Variants in SECISBP2 observed in about 807,000 individuals in gnomAD.
SECISBP2 encodes SECIS binding protein 2.
Under a neutral mutation model 98.2 loss-of-function variants are expected in SECISBP2, and 96 were observed. The observed-to-expected ratio is 0.98, with a 90% CI of 0.83 to 1.16. The LOEUF is 1.16. Ranked by LOEUF, SECISBP2 falls within the 50% of genes most tolerant of loss-of-function variation. The pLI is 0.00. For synonymous variants in SECISBP2, 407 were observed against 370.2 expected, an observed-to-expected ratio of 1.10 and a Z score of -1.14; for missense variants, 1,046 against 1,022.9, an observed-to-expected ratio of 1.02 and a Z score of -0.31.
rs1416970653 is a variant in SECISBP2, at chr9:89,359,394, C to T, written c.*570C>T. 1 of 155,030 alleles carries T rather than the reference C, an allele frequency of 6.5e-6. No individual in the cohort carries two copies. Among genetic ancestry groups the T allele is most frequent in the Non-Finnish European group, 1.4e-5 (1 of 69,594 alleles). The allele number at this position is 155,030 out of a possible 1,614,324, so 9.6% of individuals were successfully genotyped here. ...ACTTGGAGGATTTGCTAAAATGAGC[C>T]TCAGAAGGAAAATTGGTTTTCTAAC... On this transcript the variant is annotated 3_prime_UTR_variant, in exon 17 of 17. Coordinates refer to ENST00000375807, the MANE Select transcript of SECISBP2 (RefSeq NM_024077.5).
chr9:89,334,225 G>A (rs1356214033), intron 6 of SECISBP2: 1 of 1,213,778 alleles, frequency 8.2e-7, no homozygotes, highest in Non-Finnish European at 1.0e-6. Flanking sequence ...ATTTATTGTG[G>A]ATTGTTGTTT....
At chr9:89,358,630 C>T (rs1832465393) in intron 16 of SECISBP2, 91 bp from the exon 17 acceptor site, 2 of 853,072 alleles carry the variant, frequency 2.3e-6, no homozygotes, top group Non-Finnish European at 4.0e-6. Context: ...GCAGTGGCCA[C>T]AGGCTCCCTC....
intron 7 of SECISBP2, among the ~76,000 whole-genome samples, chr9:89,335,498 A>G (rs1828512631): frequency 6.6e-6 from 1 of 151,708 alleles, no homozygotes; most frequent in African/African-American, 2.4e-5. Flanking sequence ...ATGCCTGGCT[A>G]ATTTTTGTAT....
rs991499769 is a variant in SECISBP2, at chr9:89,328,874, A to G, written c.789A>G (p.Ala263=). 7.4e-6 allele frequency: 12 copies of G among 1,613,362 alleles called. No individual in the cohort carries two copies. Among genetic ancestry groups the G allele is most frequent in the African/African-American group, 2.7e-5 (2 of 74,922 alleles). ...SLLREVVKPA[A]VLSKGEIVVK... is the part of the protein sequence containing the mutation. ...TAAGAGAAGTAGTAAAACCAGCTGC[A>G]GTGTTATCAAAGGTGAGGTGAGGGT... The change falls in exon 5 of 17, where the codon GCA becomes GCG. Residue 263 remains alanine (A), a synonymous_variant. Coordinates refer to ENST00000375807, the MANE Select transcript of SECISBP2 (RefSeq NM_024077.5).
chr9:89,363,742 A>G, downstream of SECISBP2: 2 of 1,612,170 alleles, frequency 1.2e-6, no homozygotes, highest in Non-Finnish European at 1.7e-6. Context: ...ATCACTTACC[A>G]GGTCTCATCA....
chr9:89,358,285 C>T, intron 16 of SECISBP2, 94 bp downstream of exon 16: 2 of 1,297,586 alleles, frequency 1.5e-6, no homozygotes, highest in Non-Finnish European at 2.2e-6. Flanking sequence ...GACAATGCTG[C>T]AAGACCAGCT....
chr9:89,349,817 G>C lies in SECISBP2; in HGVS notation c.1780G>C (p.Glu594Gln). The C allele has an allele frequency of 6.2e-7, 1 of 1,614,240 alleles. No individual in the cohort carries two copies. Among genetic ancestry groups the C allele is most frequent in the Non-Finnish European group, 8.5e-7 (1 of 1,180,046 alleles). The change falls in exon 13 of 17, where the codon GAG becomes CAG. Residue 594 changes from glutamate (E) to glutamine (Q), a missense_variant. By Grantham distance (29) the Glu-to-Gln change is conservative. Transcript: ENST00000375807. ...CGAACTGATCTCCACTCCTTCGGTTGAGGACAAGTCTGAAGAGCCACCAGG... is the reference window on the plus strand; with the variant it reads ...CGAACTGATCTCCACTCCTTCGGTTCAGGACAAGTCTGAAGAGCCACCAGG... The part of the protein sequence containing the change: ...MDELISTPSV[E>Q]DKSEEPPGTE...
chr9:89,358,059 C>T lies in SECISBP2; in HGVS notation c.2329C>T (p.Leu777=), dbSNP rs550881820. The part of the protein sequence containing the change: ...VAARQAYKTM[L]ENVQQELVGE... ...GGCCCGACAGGCGTACAAGACCATG[C>T]TGGAGAATGTGCAGCAGGAGCTGGT... The change falls in exon 16 of 17, where the codon CTG becomes TTG. Residue 777 remains leucine (L), a synonymous_variant. Coordinates refer to ENST00000375807, the MANE Select transcript of SECISBP2 (RefSeq NM_024077.5). The T allele has an allele frequency of 6.2e-7, 1 of 1,613,800 alleles. No homozygotes were observed. The highest frequency in any genetic ancestry group is 1.1e-5 in the South Asian group (1 of 90,994).
chr9:89,341,604 A>G lies in SECISBP2; in HGVS notation c.1435+125A>G, dbSNP rs906600661. ...AAAACAGTGTGATGCTAGAATAAGC[A>G]TAGATAAGGACCTGTGGAATAGAAT... is the stretch of plus-strand genomic sequence containing the variant. On this transcript the variant is annotated intron_variant, in intron 10 of 16. Transcript: ENST00000375807. 4 of 1,115,094 alleles carry G rather than the reference A, an allele frequency of 3.6e-6. No individual in the cohort carries two copies. The South Asian group carries it at 4.0e-5, about 11-fold the overall frequency. The allele number at this position is 1,115,094 out of a possible 1,614,324, so 69.1% of individuals were successfully genotyped here.
At chr9:89,352,062 A>G (rs1268747239) in intron 14 of SECISBP2, among the ~76,000 whole-genome samples, 1 of 152,164 alleles carries the variant, frequency 6.6e-6, no homozygotes, top group Non-Finnish European at 1.5e-5. Context: ...ACATGTTTTC[A>G]GTTTTAAGTA....
chr9:89,363,581 C>T, downstream of SECISBP2: 1 of 1,608,654 alleles, frequency 6.2e-7, no homozygotes, highest in Non-Finnish European at 8.5e-7. Context: ...TTATGGCACC[C>T]TTGATGCCCA....
At chr9:89,362,501 C>T, downstream of SECISBP2, 2 of 1,613,414 alleles carry the variant, frequency 1.2e-6, no homozygotes, top group Non-Finnish European at 8.5e-7. Context: ...CCCAGTCTGT[C>T]TCATAGCCCA....
At chr9:89,362,357 G>A (rs1489657682), downstream of SECISBP2, 3 of 1,614,096 alleles carry the variant, frequency 1.9e-6, no homozygotes, top group Admixed American at 1.7e-5. Context: ...TGGCAGCAGG[G>A]TCTTGTTGGG....
chr9:89,342,789 T>C (rs896188165), intron 10 of SECISBP2, among the ~76,000 whole-genome samples: 1 of 152,170 alleles, frequency 6.6e-6, no homozygotes, highest in African/African-American at 2.4e-5. Context: ...TTATTATTAA[T>C]GGGGACAGAG....
At chr9:89,324,957 G>A (rs1826434647) in intron 2 of SECISBP2, 2 of 215,866 alleles carry the variant, frequency 9.3e-6, no homozygotes, top group Non-Finnish European at 1.9e-5. Context: ...TGTCTGCTTT[G>A]CGCTCTGACC....
chr9:89,352,851 T>TA (rs1831493186), intron 14 of SECISBP2, among the ~76,000 whole-genome samples: 1 of 151,988 alleles, frequency 6.6e-6, no homozygotes, highest in African/African-American at 2.4e-5. Context: ...TTTTTTTTTT[T>TA]AATCACGTTG....
intron 10 of SECISBP2, among the ~76,000 whole-genome samples, chr9:89,341,907 T>C (rs542243992): frequency 6.6e-6 from 1 of 152,326 alleles, no homozygotes; most frequent in South Asian, 2.1e-4. Context: ...TTTTCAGATA[T>C]GGCACCAAAA....
intron 12 of SECISBP2, among the ~76,000 whole-genome samples, chr9:89,349,285 T>C (rs536347855): frequency 1.1e-4 from 17 of 152,340 alleles, no homozygotes; most frequent in African/African-American, 3.8e-4. Flanking sequence ...AGATCTGGTG[T>C]GTTTAAACTA....
downstream of SECISBP2, chr9:89,363,317 A>T: frequency 2.0e-6 from 3 of 1,468,430 alleles, no homozygotes; most frequent in South Asian, 2.6e-5. Flanking sequence ...CGGGGCTAAG[A>T]GGGAACAAGT....
Sources: gnomAD v4.1 joint callset for allele counts (sites outside exome capture counted in the v4.1 genomes callset) on GRCh38, gnomAD v4.1.1 for gene constraint, MANE v1.5 for transcripts, NCBI Gene and HGNC (gene_info 2026-07-23, HGNC 2026-07-21) for gene names.